Variants in SYT1 observed in about 807,000 individuals in gnomAD.
SYT1 encodes synaptotagmin 1, also known as synaptotagmin-1.
A neutral mutation model predicts 44.8 loss-of-function variants in SYT1; 8 were observed. The observed-to-expected ratio is 0.18, with a 90% CI of 0.10 to 0.32. The LOEUF is 0.32. Among genes scored for constraint, SYT1 ranks in the 10% least tolerant of loss-of-function variants. SYT1 has a pLI of 1.00. For synonymous variants in SYT1, 154 were observed against 188.8 expected (o/e 0.82, Z 1.51); for missense variants, 286 against 509.3 (o/e 0.56, Z 4.22).
At chr12:79,403,517 C>A (rs1022272246) in intron 9 of SYT1, among the ~76,000 whole-genome samples, 1 of 152,128 alleles carries the variant, frequency 6.6e-6, no homozygotes, top group Non-Finnish European at 1.5e-5. Flanking sequence ...AATTTAATTA[C>A]TTCTTTAAAG....
At chr12:79,165,045 C>A (rs1352847123) in intron 3 of SYT1, among the ~76,000 whole-genome samples, 1 of 151,870 alleles carries the variant, frequency 6.6e-6, no homozygotes, top group African/African-American at 2.4e-5. Context: ...GAGAGGAAAG[C>A]AATAATAGGG....
At chr12:79,005,634 T>G (rs7954187) in intron 2 of SYT1, among the ~76,000 whole-genome samples, 20 of 151,986 alleles carry the variant, frequency 1.3e-4, no homozygotes, top group Non-Finnish European at 2.6e-4. Flanking sequence ...ATACTAGACA[T>G]GGTCCTTAAT....
intron 3 of SYT1, among the ~76,000 whole-genome samples, chr12:79,129,420 C>T (rs1348149281): frequency 1.3e-5 from 2 of 152,158 alleles, no homozygotes; most frequent in African/African-American, 4.8e-5. Flanking sequence ...ACCCATAAAA[C>T]TTTCCCTCAT....
chr12:79,094,372 C>A (rs931503631), intron 3 of SYT1, among the ~76,000 whole-genome samples: 1 of 151,790 alleles, frequency 6.6e-6, no homozygotes, highest in Non-Finnish European at 1.5e-5. Flanking sequence ...TACCATATTT[C>A]TAGCAGTTTT....
intron 8 of SYT1, among the ~76,000 whole-genome samples, chr12:79,351,839 G>A (rs183216513): frequency 1.2e-4 from 18 of 152,206 alleles, no homozygotes; most frequent in Admixed American, 1.1e-3. Flanking sequence ...ATTCAAAACA[G>A]GTATTTTCTA....
intron 1 of SYT1, among the ~76,000 whole-genome samples, chr12:78,965,437 G>A (rs919978807): frequency 6.6e-6 from 1 of 152,098 alleles, no homozygotes; most frequent in Non-Finnish European, 1.5e-5. Context: ...GAATATTTGT[G>A]CTTGATTTTC....
At chr12:78,893,871 C>T (rs1875192620) in intron 1 of SYT1, among the ~76,000 whole-genome samples, 1 of 151,464 alleles carries the variant, frequency 6.6e-6, no homozygotes, top group African/African-American at 2.4e-5. Context: ...AATAAAGTTG[C>T]CCTCTGCATT....
intron 9 of SYT1, among the ~76,000 whole-genome samples, chr12:79,430,431 T>C (rs1869708275): frequency 1.3e-5 from 2 of 152,246 alleles, no homozygotes; most frequent in Non-Finnish European, 2.9e-5. Context: ...ATAAGTTCTT[T>C]GAAGAACAAA....
intron 2 of SYT1, among the ~76,000 whole-genome samples, chr12:78,984,672 A>C (rs1461181418): frequency 3.9e-5 from 6 of 152,012 alleles, no homozygotes; most frequent in Admixed American, 3.9e-4. Flanking sequence ...TCATGGAAGA[A>C]ACACACATAA....
At chr12:78,945,809 C>T (rs1443875983) in intron 1 of SYT1, among the ~76,000 whole-genome samples, 3 of 152,128 alleles carry the variant, frequency 2.0e-5, no homozygotes, top group African/African-American at 7.2e-5. Flanking sequence ...GTCCCTGATC[C>T]TCAACCCCAT....
chr12:78,880,592 GA>G (rs1874400221), intron 1 of SYT1, among the ~76,000 whole-genome samples: 2 of 151,450 alleles, frequency 1.3e-5, no homozygotes, highest in Admixed American at 6.6e-5. Context: ...TTGAGTCAAT[GA>G]ATAAATGAAC....
intron 3 of SYT1, among the ~76,000 whole-genome samples, chr12:79,158,375 A>G (rs1870733523): frequency 6.6e-6 from 1 of 152,038 alleles, no homozygotes; most frequent in Non-Finnish European, 1.5e-5. Context: ...TGCTGATCTG[A>G]CAAGAGGTGG....
At chr12:79,082,244 G>A (rs1428732053) in intron 3 of SYT1, among the ~76,000 whole-genome samples, 1 of 152,060 alleles carries the variant, frequency 6.6e-6, no homozygotes, top group Non-Finnish European at 1.5e-5. Context: ...TTGTGGGTTG[G>A]TGTCCTTTGT....
intron 3 of SYT1, among the ~76,000 whole-genome samples, chr12:79,195,078 T>C (rs766447930): frequency 1.0e-3 from 159 of 152,340 alleles, no homozygotes; most frequent in South Asian, 3.5e-3. Context: ...GCATATTTAT[T>C]GCTACATCTT....
At chr12:79,041,825 T>G (rs1873603535) in intron 2 of SYT1, among the ~76,000 whole-genome samples, 1 of 152,018 alleles carries the variant, frequency 6.6e-6, no homozygotes, top group Non-Finnish European at 1.5e-5. Flanking sequence ...TTGAGAGTTT[T>G]TAGCATGAAG....
At chr12:79,101,338 C>G (rs1878434474) in intron 3 of SYT1, among the ~76,000 whole-genome samples, 1 of 152,106 alleles carries the variant, frequency 6.6e-6, no homozygotes, top group African/African-American at 2.4e-5. Context: ...ATGGATGAAC[C>G]TTGGAGACAT....
At chr12:79,080,034 T>C (rs1340885434) in intron 3 of SYT1, among the ~76,000 whole-genome samples, 1 of 152,110 alleles carries the variant, frequency 6.6e-6, no homozygotes, top group African/African-American at 2.4e-5. Flanking sequence ...CAAAGTACAA[T>C]ATTTTCTATT....
chr12:79,006,087 G>A (rs149713437), intron 2 of SYT1, among the ~76,000 whole-genome samples: 29 of 152,224 alleles, frequency 1.9e-4, no homozygotes, highest in African/African-American at 6.0e-4. Context: ...GTTTAGAGAG[G>A]CTTCTCATTC....
intron 4 of SYT1, among the ~76,000 whole-genome samples, chr12:79,218,096 C>T (rs1874925658): frequency 6.6e-6 from 1 of 151,920 alleles, no homozygotes; most frequent in Admixed American, 6.6e-5. Flanking sequence ...GTTTGATTTT[C>T]TGTCATTCAT....
Sources: allele counts gnomAD v4.1 joint callset (sites outside exome capture counted in the v4.1 genomes callset), GRCh38; gene constraint gnomAD v4.1.1; transcripts MANE v1.5; gene names NCBI Gene and HGNC (gene_info 2026-07-23, HGNC 2026-07-21).